Variants in FNDC1 observed in about 807,000 individuals in gnomAD.
The protein encoded by FNDC1 is fibronectin type III domain-containing protein 1.
A neutral mutation model predicts 168.0 loss-of-function variants in FNDC1; 96 were observed. The observed-to-expected ratio is 0.57, with a 90% CI of 0.48 to 0.68. The LOEUF is 0.68. Ranked by LOEUF, FNDC1 falls within the 30% of genes least tolerant of loss-of-function variation. The probability of loss-of-function intolerance (pLI) is 0.00; values close to 1 mark genes in which losing one functional copy is unlikely to be tolerated. For missense variants in FNDC1, 2,587 were observed against 2,482.1 expected, an observed-to-expected ratio of 1.04 and a Z score of -0.90; for synonymous variants, 1,099 against 1,025.9, an observed-to-expected ratio of 1.07 and a Z score of -1.36.
intron 7 of FNDC1, 122 bp from the exon 8 acceptor site, chr6:159,225,413 T>C: frequency 1.3e-6 from 1 of 753,874 alleles, no homozygotes; most frequent in Non-Finnish European, 2.0e-6. Context: ...TAGATTTTTC[T>C]CCTCTTTGAT....
intron 21 of FNDC1, among the ~76,000 whole-genome samples, chr6:159,266,566 GA>G (rs1417011917): frequency 6.6e-6 from 1 of 151,828 alleles, no homozygotes; most frequent in East Asian, 1.9e-4. Flanking sequence ...CCAACATGGT[GA>G]AACCCATCTC....
chr6:159,179,585 C>T (rs534842842), intron 1 of FNDC1, among the ~76,000 whole-genome samples: 1 of 152,200 alleles, frequency 6.6e-6, no homozygotes. Flanking sequence ...CCTATCCTTA[C>T]CCCCAGCACA....
chr6:159,213,708 A>C (rs1021270320), intron 4 of FNDC1, among the ~76,000 whole-genome samples: 19 of 152,334 alleles, frequency 1.2e-4, no homozygotes, highest in Admixed American at 6.5e-4. Flanking sequence ...AAACAAAAAA[A>C]AAAAAACCTT....
intron 4 of FNDC1, among the ~76,000 whole-genome samples, chr6:159,201,209 G>A (rs1782371239): frequency 6.6e-6 from 1 of 152,204 alleles, no homozygotes; most frequent in Non-Finnish European, 1.5e-5. Context: ...TCAGAGTGTG[G>A]TTGGGTAATA....
At chr6:159,172,880 T>C (rs1472814376) in intron 1 of FNDC1, among the ~76,000 whole-genome samples, 1 of 152,184 alleles carries the variant, frequency 6.6e-6, no homozygotes, top group African/African-American at 2.4e-5. Context: ...CATATTGCAA[T>C]AGATTGAATG....
Position 159,261,182 on chromosome 6 carries a change from A to G in FNDC1, c.5175-8A>G. 6.2e-7 allele frequency: 1 copy of G among 1,601,176 alleles called. No homozygotes were observed. Among genetic ancestry groups the G allele is most frequent in the Non-Finnish European group, 8.5e-7 (1 of 1,171,562 alleles). On this transcript the variant is annotated splice_region_variant and splice_polypyrimidine_tract_variant and intron_variant, in intron 18 of 22. Transcript: ENST00000297267. ...TCTCTTTCAAAATATATCTTCTTCCAACTTCAGGTATTATTTTAAAGTGCA... is the reference window on the plus strand; with the variant it reads ...TCTCTTTCAAAATATATCTTCTTCCGACTTCAGGTATTATTTTAAAGTGCA...
chr6:159,221,805 A>G (rs1583882835), intron 6 of FNDC1, 109 bp downstream of exon 6: 2 of 924,476 alleles, frequency 2.2e-6, no homozygotes, highest in East Asian at 5.2e-5. Context: ...ATTGAGGCTA[A>G]AAGAAATAAC....
rs1583884625 is a variant in FNDC1, at chr6:159,223,741, A to G, written c.884+96A>G. 2.0e-5 allele frequency: 14 copies of G among 699,822 alleles called. No individual in the cohort carries two copies. The East Asian group carries it at 3.8e-4, about 19-fold the overall frequency. The allele number at this position is 699,822 out of a possible 1,614,324, so 43.4% of individuals were successfully genotyped here. Reference sequence around the variant, plus strand: ...TTAATGATTTTATTTTCTGACTTACATGAATGCTGGTCTCTTTTGTAGCTG... The same window carrying G: ...TTAATGATTTTATTTTCTGACTTACGTGAATGCTGGTCTCTTTTGTAGCTG... On this transcript the variant is annotated intron_variant, in intron 7 of 22. Transcript: ENST00000297267.
At chr6:159,257,085 T>A (rs1305484700) in intron 18 of FNDC1, among the ~76,000 whole-genome samples, 1 of 152,252 alleles carries the variant, frequency 6.6e-6, no homozygotes, top group African/African-American at 2.4e-5. Context: ...GTAGAGGTTA[T>A]AAGCATGTCT....
intron 1 of FNDC1, among the ~76,000 whole-genome samples, chr6:159,182,518 G>A (rs1306910961): frequency 6.6e-6 from 1 of 152,158 alleles, no homozygotes; most frequent in Non-Finnish European, 1.5e-5. Context: ...CTAGCTTTGG[G>A]AGGACTTCCT....
intron 1 of FNDC1, among the ~76,000 whole-genome samples, chr6:159,174,510 T>A (rs1017498905): frequency 7.2e-5 from 11 of 152,272 alleles, no homozygotes; most frequent in African/African-American, 2.7e-4. Flanking sequence ...CAGCCCTAGT[T>A]GGACTTAGCT....
intron 12 of FNDC1, among the ~76,000 whole-genome samples, chr6:159,237,251 C>A (rs373044591): frequency 3.9e-5 from 6 of 152,182 alleles, no homozygotes; most frequent in East Asian, 3.8e-4. Flanking sequence ...CAATACCCAC[C>A]AAAGTGGCTT....
chr6:159,253,866 C>T (rs1041615255), intron 17 of FNDC1, among the ~76,000 whole-genome samples: 1 of 152,260 alleles, frequency 6.6e-6, no homozygotes, highest in African/African-American at 2.4e-5. Context: ...GCTTTGCCAA[C>T]TCCATTGGAA....
chr6:159,211,504 T>C (rs1247740574), intron 4 of FNDC1, among the ~76,000 whole-genome samples: 1 of 152,332 alleles, frequency 6.6e-6, no homozygotes, highest in East Asian at 1.9e-4. Flanking sequence ...TTGAAAAGAT[T>C]TTCAATGTAA....
chr6:159,266,296 A>G (rs1777592076), intron 21 of FNDC1, 51 bp downstream of exon 21: 1 of 1,595,914 alleles, frequency 6.3e-7, no homozygotes, highest in South Asian at 1.1e-5. Flanking sequence ...ATTTTGATTT[A>G]TCAAGTACAA....
chr6:159,183,882 G>A (rs1781936690), intron 1 of FNDC1, among the ~76,000 whole-genome samples: 1 of 151,996 alleles, frequency 6.6e-6, no homozygotes, highest in African/African-American at 2.4e-5. Context: ...ACGAGCTCAT[G>A]TGTCCTTATG....
rs546771619 is a variant in FNDC1 at position 159,268,394 on chromosome 6, G to A, written c.5569+468G>A. 2.6e-5 allele frequency among the ~76,000 whole-genome samples: 4 copies of A among 152,298 alleles called. No individual in the cohort carries two copies. In the East Asian group the frequency reaches 5.8e-4, roughly 22 times the overall value. The stretch of plus-strand genomic sequence containing the variant: ...GTGATCAGGTATTTTCCAGACATGA[G>A]ATGTTCTGATTTGCTAAATTTTTAG... On this transcript the variant is annotated intron_variant, in intron 22 of 22. Transcript: ENST00000297267.
At chr6:159,173,961 C>T (rs577256073) in intron 1 of FNDC1, among the ~76,000 whole-genome samples, 1 of 152,220 alleles carries the variant, frequency 6.6e-6, no homozygotes, top group Non-Finnish European at 1.5e-5. Context: ...GCAAACATTT[C>T]GGGAGAGGCT....
chr6:159,266,873 G>C (rs1457883126), intron 21 of FNDC1, among the ~76,000 whole-genome samples: 1 of 151,770 alleles, frequency 6.6e-6, no homozygotes, highest in Non-Finnish European at 1.5e-5. Context: ...TTTTTATCAT[G>C]GTGGGAGATT....
Sources: allele counts gnomAD v4.1 joint callset (sites outside exome capture counted in the v4.1 genomes callset), GRCh38; gene constraint gnomAD v4.1.1; transcripts MANE v1.5; gene names NCBI Gene and HGNC (gene_info 2026-07-23, HGNC 2026-07-21).